The following ANGPT2 variants were observed in gnomAD, a reference collection of about 807,000 sequenced individuals.
The protein encoded by ANGPT2 is angiopoietin 2, also known as angiopoietin-2.
ANGPT2 carries 28 observed loss-of-function variants against 62.9 expected under a neutral mutation model. That is an observed-to-expected ratio of 0.44 (90% CI 0.33 to 0.61). The LOEUF (loss-of-function observed/expected upper bound fraction) is 0.61. Among genes scored for constraint, ANGPT2 ranks in the 20% least tolerant of loss-of-function variants. ANGPT2 has a pLI of 0.03. For synonymous variants in ANGPT2, 284 were observed against 207.8 expected (o/e 1.37, Z -3.15); for missense variants, 727 against 594.9 (o/e 1.22, Z -2.31).
At chr8:6,524,928 C>CT (rs1351854030) in intron 3 of ANGPT2, among the ~76,000 whole-genome samples, 10 of 152,238 alleles carry the variant, frequency 6.6e-5, no homozygotes, top group Admixed American at 5.9e-4. Context: ...CTGCACATGG[C>CT]TTCCTGTGTC....
chr8:6,552,194 C>T (rs1563113833), intron 1 of ANGPT2, among the ~76,000 whole-genome samples: 1 of 152,230 alleles, frequency 6.6e-6, no homozygotes, highest in Non-Finnish European at 1.5e-5. Context: ...TCTTGTAATA[C>T]TCATTTAGTT....
Position 6,532,443 on chromosome 8 carries a change from C to G in ANGPT2, c.333G>C (p.Glu111Asp), listed in dbSNP as rs148673964. The G allele has an allele frequency of 6.2e-7, 1 of 1,613,962 alleles. No homozygotes were observed. The highest frequency in any genetic ancestry group is 1.1e-5 in the South Asian group (1 of 91,044). Residue 111 changes from glutamate to aspartate, a missense_variant, in exon 2 of 9, where the codon GAG becomes GAC. By Grantham distance (45) the Glu-to-Asp change is conservative. Coordinates refer to ENST00000629816, the MANE Select transcript of ANGPT2 (RefSeq NM_001118887.2). ...IQDNMKKEMV[E>D]IQQNAVQNQT... ...GGTTCTGTACTGCATTCTGCTGTAT[C>G]TCTACCATTTCTTTCTTCATGTTGT... is the stretch of plus-strand genomic sequence containing the variant.
chr8:6,536,971 A>AG (rs200200091), intron 1 of ANGPT2, among the ~76,000 whole-genome samples: 2,745 of 144,024 alleles, frequency 0.019, 91 homozygotes, highest in African/African-American at 0.066. Context: ...TCTTAGTACA[A>AG]GAAAAAAAAA....
chr8:6,559,894 TGA>T (rs1352490017), intron 1 of ANGPT2, among the ~76,000 whole-genome samples: 1 of 152,214 alleles, frequency 6.6e-6, no homozygotes, highest in Non-Finnish European at 1.5e-5. Flanking sequence ...TACTACACAG[TGA>T]GTAAGCTGTC....
At chr8:6,509,306 G>T (rs980486117) in intron 7 of ANGPT2, among the ~76,000 whole-genome samples, 2 of 151,366 alleles carry the variant, frequency 1.3e-5, no homozygotes, top group African/African-American at 4.8e-5. Flanking sequence ...ACAACTATCA[G>T]AAGCGACTGT....
intron 7 of ANGPT2, among the ~76,000 whole-genome samples, chr8:6,510,568 C>T (rs1814846594): frequency 6.6e-6 from 1 of 152,206 alleles, no homozygotes; most frequent in Non-Finnish European, 1.5e-5. Flanking sequence ...TGCTTATAAC[C>T]ACCTGCAGTG....
chr8:6,520,662 C>A (rs1817147354), intron 4 of ANGPT2, among the ~76,000 whole-genome samples: 1 of 152,186 alleles, frequency 6.6e-6, no homozygotes, highest in Non-Finnish European at 1.5e-5. Flanking sequence ...TCCCAAAGTG[C>A]TGCAATTAGA....
In ANGPT2 at chr8:6,532,200, T is replaced by A. The variant is rs113429156; in HGVS notation, c.444+132A>T. ...GCAGCCATACATCCTTAATTTCTTA[T>A]CAATTCATTCCTTTTCTCCTGTGGT... On this transcript the variant is annotated intron_variant, in intron 2 of 8. Transcript: ENST00000629816. The A allele has an allele frequency of 7.5e-6, 8 of 1,068,704 alleles. No individual in the cohort carries two copies. The African/African-American group carries it at 8.0e-5, about 11-fold the overall frequency. 66.2% of individuals were successfully genotyped at this position (1,068,704 alleles called of 1,614,324 possible). A position where few individuals can be genotyped will look rare whatever the true frequency, so the allele number is the denominator to read the frequency against.
At chr8:6,503,310 C>T (rs754467144) in intron 8 of ANGPT2, 49 bp from the exon 9 acceptor site, 1 of 1,603,676 alleles carries the variant, frequency 6.2e-7, no homozygotes, top group Non-Finnish European at 8.5e-7. Context: ...GATGCCAGCT[C>T]CCACCACGAA....
intron 5 of ANGPT2, among the ~76,000 whole-genome samples, chr8:6,518,774 G>A (rs1410019535): frequency 6.6e-6 from 1 of 152,128 alleles, no homozygotes; most frequent in East Asian, 1.9e-4. Flanking sequence ...ACATTTATAT[G>A]CAAACATATT....
intron 1 of ANGPT2, among the ~76,000 whole-genome samples, chr8:6,535,294 G>T (rs1025763729): frequency 1.3e-5 from 2 of 152,166 alleles, no homozygotes; most frequent in Non-Finnish European, 2.9e-5. Context: ...TGAGAGGATT[G>T]TTTATAATTG....
rs772841494 is a variant in ANGPT2 at position 6,513,825 on chromosome 8, C to T, written c.1049G>A (p.Gly350Glu). The T allele has an allele frequency of 2.0e-5, 32 of 1,607,220 alleles. No homozygotes were observed. Among genetic ancestry groups the T allele is most frequent in the Non-Finnish European group, 2.5e-5 (29 of 1,178,314 alleles). The change falls in exon 7 of 9, where the codon GGA (glycine) becomes GAA (glutamate). Residue 350 changes from glycine (G) to glutamate (E), a missense_variant. By Grantham distance (98) the Gly-to-Glu change is moderately conservative (BLOSUM62 -2). Transcript: ENST00000629816. ...AAACTCATTTCCCAGCCAATATTCTCCTGAAGGGTTACCAAATCCCTGTAA... is the reference window on the plus strand; with the variant it reads ...AAACTCATTTCCCAGCCAATATTCTTCTGAAGGGTTACCAAATCCCTGTAA... ...EYKVGFGNPS[G>E]EYWLGNEFVS...
intron 8 of ANGPT2, chr8:6,508,627 C>G (rs1461828949): frequency 1.2e-5 from 7 of 560,052 alleles, no homozygotes; most frequent in Non-Finnish European, 2.2e-5. Flanking sequence ...AACCATCTCT[C>G]TAGTATCCAG....
chr8:6,545,373 T>G (rs1822393693), intron 1 of ANGPT2, among the ~76,000 whole-genome samples: 1 of 152,212 alleles, frequency 6.6e-6, no homozygotes, highest in Non-Finnish European at 1.5e-5. Flanking sequence ...TTTTAAAAAC[T>G]AAAAGACATT....
rs1020984063 is a variant in ANGPT2 at position 6,503,128 on chromosome 8, G to A, written c.1461C>T (p.Thr487=). The change falls in exon 9 of 9, where the codon ACC becomes ACT. Residue 487 remains threonine (T), a synonymous_variant. Transcript: ENST00000629816. ...AGAAATCTGCTGGTCGGATCATCATGGTTGTGGCCTTGAGCGAATAGCCTG... is the reference window on the plus strand; with the variant it reads ...AGAAATCTGCTGGTCGGATCATCATAGTTGTGGCCTTGAGCGAATAGCCTG... ...KGSGYSLKAT[T]MMIRPADF is the part of the protein sequence containing the mutation. The A allele has an allele frequency of 1.2e-6, 2 of 1,614,188 alleles. No individual in the cohort carries two copies. Among genetic ancestry groups the A allele is most frequent in the Admixed American group, 3.3e-5 (2 of 60,018 alleles).
chr8:6,554,193 T>G (rs1281867604), intron 1 of ANGPT2, among the ~76,000 whole-genome samples: 2 of 150,682 alleles, frequency 1.3e-5, no homozygotes, highest in African/African-American at 4.9e-5. Context: ...ATAGCCCACC[T>G]CAAGTCATCA....
At chr8:6,508,777 G>C (rs1814314967) in intron 8 of ANGPT2, 155 bp downstream of exon 8, 12 of 1,103,762 alleles carry the variant, frequency 1.1e-5, no homozygotes, top group Middle Eastern at 2.3e-4. Flanking sequence ...TCTAAAAAAA[G>C]TGAAAAACAC....
intron 2 of ANGPT2, among the ~76,000 whole-genome samples, chr8:6,531,066 C>T (rs1030018759): frequency 6.6e-6 from 1 of 152,168 alleles, no homozygotes; most frequent in Non-Finnish European, 1.5e-5. Flanking sequence ...TGTAAAGAAG[C>T]CAGGATGAGG....
chr8:6,527,352 T>C (rs1308952739), intron 3 of ANGPT2, among the ~76,000 whole-genome samples: 2 of 152,244 alleles, frequency 1.3e-5, no homozygotes, highest in Non-Finnish European at 2.9e-5. Flanking sequence ...GAATGAAAGG[T>C]AAAATCCAGG....
Sources: allele counts gnomAD v4.1 joint callset (sites outside exome capture counted in the v4.1 genomes callset), GRCh38; gene constraint gnomAD v4.1.1; transcripts MANE v1.5; gene names NCBI Gene and HGNC (gene_info 2026-07-23, HGNC 2026-07-21).